Variants in GPNMB observed in about 807,000 individuals in gnomAD.
GPNMB encodes the protein glycoprotein nmb.
In GPNMB, 71 loss-of-function variants were observed where a neutral mutation model predicts 57.3. That is an observed-to-expected ratio of 1.24 (90% confidence interval 1.02 to 1.51). The LOEUF (loss-of-function observed/expected upper bound fraction) is 1.51. Ranked by LOEUF, GPNMB falls within the 40% of genes most tolerant of loss-of-function variation. The pLI, the probability that GPNMB is intolerant of heterozygous loss-of-function variation, is 0.00. For missense variants in GPNMB, 677 were observed against 691.9 expected, an observed-to-expected ratio of 0.98 and a Z score of 0.24; for synonymous variants, 253 against 263.2, an observed-to-expected ratio of 0.96 and a Z score of 0.38.
chr7:23,269,123 A>C (rs545364747), intron 8 of GPNMB, among the ~76,000 whole-genome samples: 1 of 152,304 alleles, frequency 6.6e-6, no homozygotes, highest in South Asian at 2.1e-4. Context: ...GCTGTGGCTC[A>C]TACCTGTAAT....
At chr7:23,273,706 C>A in intron 10 of GPNMB, 92 bp downstream of exon 10, 2 of 854,474 alleles carry the variant, frequency 2.3e-6, no homozygotes, top group Non-Finnish European at 3.8e-6. Flanking sequence ...CCCTTTTTTG[C>A]TTTTAAACAT....
intron 4 of GPNMB, among the ~76,000 whole-genome samples, chr7:23,259,197 A>AT (rs112060672): frequency 0.025 from 3,828 of 151,846 alleles, 155 homozygotes; most frequent in African/African-American, 0.081. Context: ...TTTTATTTTT[A>AT]TTTTTTTGAG....
At chr7:23,253,739 G>GGAAT (rs1366929011) in intron 2 of GPNMB, among the ~76,000 whole-genome samples, 1 of 152,104 alleles carries the variant, frequency 6.6e-6, no homozygotes, top group Non-Finnish European at 1.5e-5. Flanking sequence ...AGCCAACCTG[G>GGAAT]GAATGATCAT....
At position 23,257,051 on chromosome 7, in the gene GPNMB, T is replaced by C; in HGVS notation, c.527T>C (p.Val176Ala). The change falls in exon 4 of 11, where the codon GTC becomes GCC. Residue 176 changes from valine to alanine, a missense_variant. By Grantham distance (64) the Val-to-Ala change is moderately conservative. Transcript: ENST00000258733. ...TGGAGAAGATGGAATTTCATCTACGTCTTCCACACACTTGGTTGGCTTTTA... is the reference window on the plus strand; with the variant it reads ...TGGAGAAGATGGAATTTCATCTACGCCTTCCACACACTTGGTTGGCTTTTA... ...PGWRRWNFIY[V>A]FHTLGQYFQK... is the part of the protein sequence containing the mutation. The C allele has an allele frequency of 6.2e-7, 1 of 1,614,096 alleles. No individual in the cohort carries two copies.
chr7:23,264,469 T>A (rs910364924), intron 6 of GPNMB, among the ~76,000 whole-genome samples: 1 of 152,188 alleles, frequency 6.6e-6, no homozygotes, highest in South Asian at 2.1e-4. Context: ...GCCTTCTGGG[T>A]TCAAGTAATT....
intron 9 of GPNMB, 36 bp from the exon 10 acceptor site, chr7:23,273,485 A>C: frequency 7.4e-7 from 1 of 1,352,036 alleles, no homozygotes; most frequent in East Asian, 2.3e-5. Flanking sequence ...CTCTAGGTGG[A>C]AGACATAACT....
Position 23,265,959 on chromosome 7 carries a change from CT to C in GPNMB, c.1019-551del, listed in dbSNP as rs540028516. 1.7e-3 allele frequency among the ~76,000 whole-genome samples: 250 copies of C among 150,368 alleles called. 2 individuals are homozygous for C. The highest frequency in any genetic ancestry group is 6.3e-3 in the Admixed American group (95 of 15,016). On this transcript the variant is annotated intron_variant, in intron 6 of 10. Transcript: ENST00000258733. ...TCACACATTTTAATACAGTTTCAAC[CT>C]TTTTTTGAGACGGAGTCTCGCTCTG...
chr7:23,250,471 C>T (rs557808149), intron 1 of GPNMB, among the ~76,000 whole-genome samples: 14 of 152,014 alleles, frequency 9.2e-5, no homozygotes, highest in African/African-American at 2.4e-4. Flanking sequence ...AGTGCTTGCC[C>T]GTGGTCCTAG....
At chr7:23,249,064 A>T (rs1782603222) in intron 1 of GPNMB, among the ~76,000 whole-genome samples, 1 of 152,088 alleles carries the variant, frequency 6.6e-6, no homozygotes, top group South Asian at 2.1e-4. Context: ...GGCATGAGCC[A>T]CCTTATCCGG....
intron 3 of GPNMB, among the ~76,000 whole-genome samples, chr7:23,255,559 T>C (rs955807837): frequency 6.6e-6 from 1 of 152,238 alleles, no homozygotes; most frequent in African/African-American, 2.4e-5. Context: ...TTCTTTTGTA[T>C]ATATTCCCAG....
chr7:23,269,516 T>C (rs1458397083), intron 8 of GPNMB, among the ~76,000 whole-genome samples: 1 of 152,230 alleles, frequency 6.6e-6, no homozygotes, highest in Non-Finnish European at 1.5e-5. Context: ...GCCCGGCACA[T>C]AATAAGTCCT....
At chr7:23,256,870 G>A in intron 3 of GPNMB, 22 bp from the exon 4 acceptor site, 1 of 1,607,146 alleles carries the variant, frequency 6.2e-7, no homozygotes, top group Non-Finnish European at 8.5e-7. Context: ...AACACTCATG[G>A]CTGGTTTCTA....
intron 3 of GPNMB, among the ~76,000 whole-genome samples, chr7:23,255,437 T>A (rs895690710): frequency 6.6e-6 from 1 of 152,224 alleles, no homozygotes; most frequent in Non-Finnish European, 1.5e-5. Flanking sequence ...CCATCACATT[T>A]TCTTTATCCA....
chr7:23,260,374 A>G, intron 5 of GPNMB, 82 bp from the exon 6 acceptor site: 1 of 1,199,842 alleles, frequency 8.3e-7, no homozygotes, highest in Non-Finnish European at 1.2e-6. Context: ...TTAATATTTC[A>G]ACCTAAAAGC....
At chr7:23,252,327 T>C (rs993583778) in intron 1 of GPNMB, among the ~76,000 whole-genome samples, 1 of 152,238 alleles carries the variant, frequency 6.6e-6, no homozygotes, top group Admixed American at 6.5e-5. Flanking sequence ...CATCCAATTA[T>C]ATGCTTTCTA....
intron 6 of GPNMB, among the ~76,000 whole-genome samples, chr7:23,264,861 C>G (rs1445960858): frequency 6.6e-6 from 1 of 152,150 alleles, no homozygotes; most frequent in Non-Finnish European, 1.5e-5. Flanking sequence ...TAAATTCTGC[C>G]TGTCAAGAAC....
At position 23,274,152 on chromosome 7, in the gene GPNMB, AG is replaced by A; in HGVS notation, c.1612del (p.Ala538ProfsTer30). On this transcript the variant is annotated frameshift_variant, in exon 11 of 11. Transcript: ENST00000258733. LOFTEE classifies it low-confidence loss of function (END_TRUNC). ...TGAGTGTCTTTCTCAACCGTGCAAA[AG>A]CCGTGTTCTTCCCGGGAAACCAGGA... ...GLSVFLNRAK[A>X]VFFPGNQEKD... 1 of 1,613,970 alleles carries A rather than the reference AG, an allele frequency of 6.2e-7. No homozygotes were observed. Among genetic ancestry groups the A allele is most frequent in the Non-Finnish European group, 8.5e-7 (1 of 1,179,854 alleles).
At position 23,260,437 on chromosome 7, in the gene GPNMB, T is replaced by A; in HGVS notation, c.701-19T>A. ...AGCAATCATGCATTCTTTATTTCTT[T>A]GGGGGATGTATCTTTTAGATCAGAT... On this transcript the variant is annotated intron_variant, in intron 5 of 10. Transcript: ENST00000258733. 6.3e-7 allele frequency: 1 copy of A among 1,576,804 alleles called. No individual in the cohort carries two copies. The highest frequency in any genetic ancestry group is 8.7e-7 in the Non-Finnish European group (1 of 1,154,350).
chr7:23,255,297 G>A (rs1022582292), intron 3 of GPNMB, among the ~76,000 whole-genome samples: 6 of 152,160 alleles, frequency 3.9e-5, no homozygotes, highest in Non-Finnish European at 8.8e-5. Flanking sequence ...GATTACAGGC[G>A]TGAGCCACCG....
Sources: gnomAD v4.1 joint callset for allele counts (sites outside exome capture counted in the v4.1 genomes callset) on GRCh38, gnomAD v4.1.1 for gene constraint, MANE v1.5 for transcripts, NCBI Gene and HGNC (gene_info 2026-07-23, HGNC 2026-07-21) for gene names.